USP32: variants seen among roughly 807,000 people sequenced by gnomAD.
The protein encoded by USP32 is ubiquitin carboxyl-terminal hydrolase 32.
A neutral mutation model predicts 204.8 loss-of-function variants in USP32; 59 were observed. The ratio of observed to expected loss-of-function variants is 0.29; its 90% CI spans 0.23 to 0.36. The LOEUF (loss-of-function observed/expected upper bound fraction) is 0.36, where lower values mean the gene tolerates loss of function less well. Among genes scored for constraint, USP32 ranks in the 10% least tolerant of loss-of-function variants. The probability of loss-of-function intolerance (pLI) is 1.00; values close to 1 mark genes in which losing one functional copy is unlikely to be tolerated. For missense variants in USP32, 1,160 were observed against 1,946.4 expected, an observed-to-expected ratio of 0.60 and a Z score of 7.60; for synonymous variants, 517 against 678.4, an observed-to-expected ratio of 0.76 and a Z score of 3.70.
At position 60,386,998 on chromosome 17, in the gene USP32, C is replaced by T. The variant is rs534420897; in HGVS notation, c.58+4884G>A. On this transcript the variant is annotated intron_variant, in intron 1 of 33. Coordinates refer to ENST00000300896, the MANE Select transcript of USP32 (RefSeq NM_032582.4). ...TAAGATCTGGTATACTTTTAAAAGG[C>T]TTAACCGAAACCAACAATTCCAAAC... Among the ~76,000 whole-genome samples the T allele has an allele frequency of 5.6e-4, 85 of 152,258 alleles. 3 individuals carry two copies. The South Asian group carries it at 0.017, about 31-fold the overall frequency.
chr17:60,301,319 T>C (rs999556984), intron 3 of USP32: 5 of 219,204 alleles, frequency 2.3e-5, no homozygotes, highest in East Asian at 1.3e-4. Flanking sequence ...CCATCAGCAA[T>C]GTATGATGTG....
At chr17:60,358,543 C>T (rs1181660422) in intron 1 of USP32, among the ~76,000 whole-genome samples, 2 of 152,104 alleles carry the variant, frequency 1.3e-5, no homozygotes, top group Admixed American at 6.6e-5. Context: ...CACTGCACTA[C>T]AGCCTGGGTA....
intron 1 of USP32, among the ~76,000 whole-genome samples, chr17:60,418,334 C>T (rs1156560653): frequency 6.6e-6 from 1 of 151,848 alleles, no homozygotes; most frequent in Non-Finnish European, 1.5e-5. Flanking sequence ...CTCAGGCAAT[C>T]CACCCGCTTT....
rs1416337653 is a variant in USP32 at position 60,179,232 on chromosome 17, G to A, written c.*23C>T. ...GAGTCATCTCCCTCACCGCCAAGCT[G>A]TCTAGCAGCCAGAGTGGTAGCTTTA... On this transcript the variant is annotated 3_prime_UTR_variant, in exon 34 of 34. Transcript: ENST00000300896. The A allele has an allele frequency of 2.5e-6, 4 of 1,608,256 alleles. No homozygotes were observed. The highest frequency in any genetic ancestry group is 1.7e-5 in the Admixed American group (1 of 59,782).
rs1301778373 is a variant in USP32 at position 60,208,814 on chromosome 17, A to G, written c.2613T>C (p.His871=). Reference sequence around the variant, plus strand: ...CAACAATTGATCTATTTCTTCTTAGATGGTTGTCCCAGGCCTAGCAATAAA... The same window carrying G: ...CAACAATTGATCTATTTCTTCTTAGGTGGTTGTCCCAGGCCTAGCAATAAA... ...WEVAAEAWDN[H]LRRNRSIVVD... Residue 871 remains histidine (H), a synonymous_variant, in exon 23 of 34, where the codon CAT becomes CAC. Coordinates refer to ENST00000300896, the MANE Select transcript of USP32 (RefSeq NM_032582.4). 6.2e-7 allele frequency: 1 copy of G among 1,602,302 alleles called. No homozygotes were observed. Among genetic ancestry groups the G allele is most frequent in the South Asian group, 1.1e-5 (1 of 88,296 alleles).
At chr17:60,194,626 A>T (rs2084468039) in intron 27 of USP32, among the ~76,000 whole-genome samples, 1 of 152,306 alleles carries the variant, frequency 6.6e-6, no homozygotes, top group Non-Finnish European at 1.5e-5. Context: ...AATTAATATA[A>T]CAGTAACTTG....
chr17:60,415,894 C>T (rs911670635), intron 1 of USP32, among the ~76,000 whole-genome samples: 1 of 152,064 alleles, frequency 6.6e-6, no homozygotes, highest in African/African-American at 2.4e-5. Context: ...GGCTGGAGTG[C>T]AGTGGCATGA....
chr17:60,398,202 A>C (rs1234924660), intron 1 of USP32, among the ~76,000 whole-genome samples: 4 of 152,128 alleles, frequency 2.6e-5, no homozygotes, highest in African/African-American at 9.7e-5. Flanking sequence ...CTGTCTCTAC[A>C]AAAATAAAAA....
At chr17:60,337,818 C>T (rs917189376) in intron 2 of USP32, among the ~76,000 whole-genome samples, 1 of 151,804 alleles carries the variant, frequency 6.6e-6, no homozygotes, top group Non-Finnish European at 1.5e-5. Context: ...GAGGTCGAGG[C>T]TACAATGAGC....
At chr17:60,422,271 A>G in exon 1 of USP32, 2 of 398,624 alleles carry the variant, frequency 5.0e-6, no homozygotes, top group Non-Finnish European at 9.1e-6. Context: ...TCAGCATCTG[A>G]CAGTATTCTT....
chr17:60,291,745 T>C (rs1373417417), intron 4 of USP32, among the ~76,000 whole-genome samples: 1 of 152,136 alleles, frequency 6.6e-6, no homozygotes, highest in African/African-American at 2.4e-5. Flanking sequence ...ATTTACAATG[T>C]TGGTTTTATA....
chr17:60,389,782 C>T (rs1041376725), intron 1 of USP32, among the ~76,000 whole-genome samples: 3 of 151,620 alleles, frequency 2.0e-5, no homozygotes, highest in South Asian at 2.1e-4. Context: ...TTTGGGAGGC[C>T]GAGGCGGGCA....
At chr17:60,288,296 C>T (rs2087174108) in intron 5 of USP32, among the ~76,000 whole-genome samples, 1 of 151,742 alleles carries the variant, frequency 6.6e-6, no homozygotes, top group Non-Finnish European at 1.5e-5. Flanking sequence ...AAAAATTAGC[C>T]AGGCATGGTG....
At chr17:60,404,065 AAAAG>A (rs1289163657) in intron 1 of USP32, among the ~76,000 whole-genome samples, 3 of 151,974 alleles carry the variant, frequency 2.0e-5, no homozygotes, top group Non-Finnish European at 4.4e-5. Flanking sequence ...GGAAAAGAAA[AAAAG>A]AAAGAAAAAG....
At position 60,177,755 on chromosome 17, in the gene USP32, T is replaced by C. The variant is rs2084002059; in HGVS notation, c.*1500A>G. On this transcript the variant is annotated 3_prime_UTR_variant, in exon 34 of 34. Coordinates refer to ENST00000300896, the MANE Select transcript of USP32 (RefSeq NM_032582.4). ...TTAGGTAGCCATTTAAGATAACCTT[T>C]CCAAATGCTCTGAGAACTAGATATT... Among the ~76,000 whole-genome samples the C allele has an allele frequency of 6.6e-6, 1 of 152,176 alleles. No homozygotes were observed. Among genetic ancestry groups the C allele is most frequent in the African/African-American group, 2.4e-5 (1 of 41,436 alleles).
At chr17:60,389,167 T>G (rs995877441) in intron 1 of USP32, among the ~76,000 whole-genome samples, 1 of 152,194 alleles carries the variant, frequency 6.6e-6, no homozygotes, top group Non-Finnish European at 1.5e-5. Flanking sequence ...AACAAGTAGA[T>G]GAAACCAATG....
Position 60,213,597 on chromosome 17 carries a change from T to C in USP32, c.2088A>G (p.Gln696=). The C allele has an allele frequency of 7.5e-7, 1 of 1,332,974 alleles. No homozygotes were observed. Among genetic ancestry groups the C allele is most frequent in the Non-Finnish European group, 1.0e-6 (1 of 978,812 alleles). 82.6% of individuals were successfully genotyped at this position (1,332,974 alleles called of 1,614,324 possible). The change falls in exon 18 of 34, where the codon CAA becomes CAG. Residue 696 remains glutamine, a synonymous_variant. Coordinates refer to ENST00000300896, the MANE Select transcript of USP32 (RefSeq NM_032582.4). ...ATCTTGTACCTTCAATTACCAGGTG[T>C]TGTTCATCCTGGATTTTCAAATATT... ...KLEYLKIQDE[Q]HLVIEVRNKD...
At chr17:60,197,468 G>C (rs1169244262) in intron 27 of USP32, among the ~76,000 whole-genome samples, 1 of 152,198 alleles carries the variant, frequency 6.6e-6, no homozygotes, top group Non-Finnish European at 1.5e-5. Context: ...GCCAGGCATG[G>C]TGGTGCATGC....
In USP32 at chr17:60,285,807, GA is replaced by G. The variant is rs748482647; in HGVS notation, c.571+2715del. 9.2e-5 allele frequency among the ~76,000 whole-genome samples: 14 copies of G among 152,156 alleles called. No homozygotes were observed. The South Asian group carries it at 2.9e-3, about 32-fold the overall frequency. ...GATTATTAGGATTTAACACGTAGAAGAAAAAGAGAAGGCATTTTAGTGATAG... is the reference window on the plus strand; with the variant it reads ...GATTATTAGGATTTAACACGTAGAAGAAAAGAGAAGGCATTTTAGTGATAG... On this transcript the variant is annotated intron_variant, in intron 5 of 33. Coordinates refer to ENST00000300896, the MANE Select transcript of USP32 (RefSeq NM_032582.4).
Sources: gnomAD v4.1 joint callset for allele counts (sites outside exome capture counted in the v4.1 genomes callset) on GRCh38, gnomAD v4.1.1 for gene constraint, MANE v1.5 for transcripts, NCBI Gene and HGNC (gene_info 2026-07-23, HGNC 2026-07-21) for gene names.